The following NLRC5 variants were observed in gnomAD, a reference collection of about 807,000 sequenced individuals.
NLRC5 encodes the protein NLR family CARD domain containing 5, also known as protein NLRC5.
Under a neutral mutation model 206.9 loss-of-function variants are expected in NLRC5, and 114 were observed. The observed-to-expected ratio is 0.55, with a 90% CI of 0.47 to 0.64. NLRC5 has a LOEUF of 0.64. Ranked by LOEUF, NLRC5 falls within the 30% of genes least tolerant of loss-of-function variation. The probability of loss-of-function intolerance (pLI) is 0.00; values close to 1 mark genes in which losing one functional copy is unlikely to be tolerated. For synonymous variants in NLRC5, 952 were observed against 962.8 expected (o/e 0.99, Z 0.21); for missense variants, 2,008 against 2,305.5 (o/e 0.87, Z 2.64).
intron 30 of NLRC5, among the ~76,000 whole-genome samples, chr16:57,060,930 C>T (rs1279027907): frequency 6.6e-6 from 1 of 152,220 alleles, no homozygotes. Flanking sequence ...GATGCCTGGA[C>T]AGCAGAGCCC....
Position 57,045,488 on chromosome 16 carries a change from A to C in NLRC5, c.3244A>C (p.Ser1082Arg). 6.2e-7 allele frequency: 1 copy of C among 1,614,030 alleles called. No individual in the cohort carries two copies. Among genetic ancestry groups the C allele is most frequent in the Non-Finnish European group, 8.5e-7 (1 of 1,179,986 alleles). The change falls in exon 21 of 49, where the codon AGC (serine) becomes CGC (arginine). Residue 1082 changes from serine (S) to arginine (R), a missense_variant. Coordinates refer to ENST00000688547, the MANE Select transcript of NLRC5 (RefSeq NM_001384950.1). ...QHILLRGDKT[S>R]RDMWATGSLP... is the part of the protein sequence containing the mutation. ...CATCCTCCTGAGAGGGGACAAGACAAGCAGGTGAGGAGGGAACGCTCGGGG... is the reference window on the plus strand; with the variant it reads ...CATCCTCCTGAGAGGGGACAAGACACGCAGGTGAGGAGGGAACGCTCGGGG...
chr16:57,043,641 C>A, intron 20 of NLRC5, 37 bp downstream of exon 20: 1 of 1,534,548 alleles, frequency 6.5e-7, no homozygotes, highest in Non-Finnish European at 9.0e-7. Context: ...CTGCCCCTGT[C>A]CCCCATCCCA....
intron 2 of NLRC5, among the ~76,000 whole-genome samples, chr16:57,017,800 G>T (rs2060241799): frequency 6.6e-6 from 1 of 152,210 alleles, no homozygotes; most frequent in African/African-American, 2.4e-5. Context: ...AGGAGGCAGA[G>T]AAGTGTAATC....
rs367586818 is a variant in NLRC5, at chr16:57,048,862, T to C, written c.3422+1234T>C. ...ACCTACCCTATTAATGGCAATTCCT[T>C]AAAGTCAACCAATGGTCAGTGGTCC... On this transcript the variant is annotated intron_variant, in intron 23 of 48. Coordinates refer to ENST00000688547, the MANE Select transcript of NLRC5 (RefSeq NM_001384950.1). Among the ~76,000 whole-genome samples, 843 of 152,284 alleles carry C rather than the reference T, an allele frequency of 5.5e-3. 7 individuals carry two copies. Among genetic ancestry groups the C allele is most frequent in the Non-Finnish European group, 8.9e-3 (608 of 68,016 alleles).
At chr16:56,996,154 T>A (rs1176119843) in intron 1 of NLRC5, among the ~76,000 whole-genome samples, 1 of 152,072 alleles carries the variant, frequency 6.6e-6, no homozygotes, top group African/African-American at 2.4e-5. Flanking sequence ...GTGTTTTTTG[T>A]TTTCCTTGGC....
chr16:57,029,891 C>T, intron 9 of NLRC5, 35 bp downstream of exon 9: 1 of 1,609,692 alleles, frequency 6.2e-7, no homozygotes, highest in East Asian at 2.2e-5. Context: ...GCAGCCCAGT[C>T]CCTCTCTATA....
chr16:57,017,035 G>A (rs1483661269), intron 1 of NLRC5, 39 bp from the exon 2 acceptor site: 18 of 152,882 alleles, frequency 1.2e-4, no homozygotes. Context: ...TTTGGAGTCT[G>A]GAATAGTGGG....
rs943618226 is a variant in NLRC5 at position 57,014,298 on chromosome 16, A to G, written c.-127-2776A>G. On this transcript the variant is annotated intron_variant, in intron 1 of 48. Coordinates refer to ENST00000688547, the MANE Select transcript of NLRC5 (RefSeq NM_001384950.1). ...TTAAATGAGTGTGAGGCTCACTTGG[A>G]CTCTATTCCATCCCTTTGGCCAATT... Among the ~76,000 whole-genome samples the G allele has an allele frequency of 2.0e-5, 3 of 151,754 alleles. No homozygotes were observed. In the South Asian group the frequency reaches 6.2e-4, roughly 31 times the overall value.
In NLRC5 at chr16:57,066,510, C is replaced by T. The variant is rs371630263; in HGVS notation, c.4242-24C>T. On this transcript the variant is annotated intron_variant, in intron 33 of 48. Transcript: ENST00000688547. The stretch of plus-strand genomic sequence containing the variant: ...CTCCGGGGAAGGCTGCCCGACCTCA[C>T]GTTGGTTACTGCTCACTCCTCAGCA... 181 of 1,612,060 alleles carry T rather than the reference C, an allele frequency of 1.1e-4. 1 individual carries two copies. In the Middle Eastern group the frequency reaches 1.8e-3, roughly 16 times the overall value.
chr16:57,078,936 G>T, intron 43 of NLRC5, 114 bp from the exon 44 acceptor site: 1 of 934,760 alleles, frequency 1.1e-6, no homozygotes, highest in African/African-American at 1.6e-5. Flanking sequence ...GTGTGGATGG[G>T]GAATTAGCCA....
chr16:57,006,145 T>C (rs59379474), intron 1 of NLRC5, among the ~76,000 whole-genome samples: 3,203 of 151,720 alleles, frequency 0.021, 114 homozygotes, highest in African/African-American at 0.073. Flanking sequence ...ACAACATGTG[T>C]GCACCACCAC....
intron 6 of NLRC5, among the ~76,000 whole-genome samples, chr16:57,027,740 A>G (rs1467246063): frequency 1.3e-5 from 2 of 152,194 alleles, no homozygotes; most frequent in Admixed American, 1.3e-4. Context: ...AAGAGCATGG[A>G]GGAACATGTC....
At chr16:57,034,326 G>A in intron 13 of NLRC5, 75 bp downstream of exon 13, 1 of 1,147,802 alleles carries the variant, frequency 8.7e-7, no homozygotes, top group South Asian at 1.3e-5. Flanking sequence ...CTCGCCTTTG[G>A]GTGGGTGGTG....
At chr16:57,074,560 AC>A in intron 38 of NLRC5, 39 bp from the exon 39 acceptor site, 1 of 1,588,240 alleles carries the variant, frequency 6.3e-7, no homozygotes, top group East Asian at 2.2e-5. Context: ...ACAGTGCCCC[AC>A]CCCCAGATGT....
Position 57,026,395 on chromosome 16 carries a change from G to A in NLRC5, c.1452G>A (p.Leu484=). 3 of 1,614,132 alleles carry A rather than the reference G, an allele frequency of 1.9e-6. No individual in the cohort carries two copies. The highest frequency in any genetic ancestry group is 2.5e-6 in the Non-Finnish European group (3 of 1,180,040). Reference sequence around the variant, plus strand: ...ATGCAAAAGATATTGCTCCACCCTTGATAGCTTTTGGGGCCACTCACAGCC... The same window carrying A: ...ATGCAAAAGATATTGCTCCACCCTTAATAGCTTTTGGGGCCACTCACAGCC... The part of the protein sequence containing the change: ...IFYAKDIAPP[L]IAFGATHSLL... Residue 484 remains leucine, a synonymous_variant, in exon 6 of 49, where the codon TTG becomes TTA. Transcript: ENST00000688547.
intron 1 of NLRC5, chr16:57,013,693 T>C: frequency 2.5e-6 from 2 of 801,796 alleles, no homozygotes; most frequent in African/African-American, 1.7e-5. Flanking sequence ...GCTGGTAACC[T>C]GGAATATGCT....
Position 57,081,621 on chromosome 16 carries a change from C to G in NLRC5, c.5489+11C>G. ...CATCCAAGTCATCCGGTAACAGAGG[C>G]CTGCAGGGGCAGGGATGGTGGGTGG... On this transcript the variant is annotated intron_variant, in intron 48 of 48. Coordinates refer to ENST00000688547, the MANE Select transcript of NLRC5 (RefSeq NM_001384950.1). The G allele has an allele frequency of 1.9e-6, 3 of 1,611,816 alleles. No individual in the cohort carries two copies. Among genetic ancestry groups the G allele is most frequent in the South Asian group, 1.1e-5 (1 of 91,022 alleles).
intron 1 of NLRC5, chr16:57,013,219 C>T: frequency 4.1e-6 from 2 of 487,836 alleles, no homozygotes; most frequent in Middle Eastern, 5.9e-4. Flanking sequence ...CGAACAGTAT[C>T]AAATCCTTGG....
At chr16:56,993,006 T>C (rs1325199090) in intron 1 of NLRC5, among the ~76,000 whole-genome samples, 1 of 151,988 alleles carries the variant, frequency 6.6e-6, no homozygotes, top group Non-Finnish European at 1.5e-5. Context: ...AGCCACCCAA[T>C]TGCCCTCCCC....
Sources: gnomAD v4.1 joint callset for allele counts (sites outside exome capture counted in the v4.1 genomes callset) on GRCh38, gnomAD v4.1.1 for gene constraint, MANE v1.5 for transcripts, NCBI Gene and HGNC (gene_info 2026-07-23, HGNC 2026-07-21) for gene names.